Variants in MLLT3 observed in about 807,000 individuals in gnomAD.
MLLT3 encodes MLLT3 super elongation complex subunit.
Under a neutral mutation model 53.2 loss-of-function variants are expected in MLLT3, and 4 were observed. The ratio of observed to expected loss-of-function variants is 0.08; its 90% CI spans 0.04 to 0.17. The LOEUF (loss-of-function observed/expected upper bound fraction) is 0.17, where lower values mean the gene tolerates loss of function less well. Among genes scored for constraint, MLLT3 ranks in the 10% least tolerant of loss-of-function variants. MLLT3 has a pLI of 1.00. For missense variants in MLLT3, 569 were observed against 684.0 expected (o/e 0.83, Z 1.87); for synonymous variants, 283 against 230.6 (o/e 1.23, Z -2.06).
At chr9:20,503,770 C>T (rs1336746118) in intron 2 of MLLT3, among the ~76,000 whole-genome samples, 2 of 152,120 alleles carry the variant, frequency 1.3e-5, no homozygotes, top group Admixed American at 1.3e-4. Context: ...AGACAACCTG[C>T]AGCCTGGAAA....
At chr9:20,388,520 G>A (rs1273899208) in intron 5 of MLLT3, among the ~76,000 whole-genome samples, 6 of 152,106 alleles carry the variant, frequency 3.9e-5, no homozygotes, top group Admixed American at 1.3e-4. Context: ...CCTGGGAGAC[G>A]GAGCTTGCAG....
chr9:20,426,738 A>G (rs1305757453), intron 4 of MLLT3, among the ~76,000 whole-genome samples: 2 of 152,158 alleles, frequency 1.3e-5, no homozygotes, highest in Admixed American at 1.3e-4. Context: ...TGATACAACT[A>G]GATATTAGAT....
intron 2 of MLLT3, among the ~76,000 whole-genome samples, chr9:20,612,585 G>A (rs1442192834): frequency 1.3e-5 from 2 of 151,668 alleles, no homozygotes; most frequent in Non-Finnish European, 2.9e-5. Flanking sequence ...AAATAACAAA[G>A]GAAGAACATC....
At chr9:20,433,497 T>C (rs1823329213) in intron 4 of MLLT3, among the ~76,000 whole-genome samples, 1 of 152,056 alleles carries the variant, frequency 6.6e-6, no homozygotes, top group Non-Finnish European at 1.5e-5. Flanking sequence ...AACTGTACAG[T>C]GGAGAAGCCT....
At chr9:20,618,945 T>C (rs1450806439) in intron 2 of MLLT3, among the ~76,000 whole-genome samples, 1 of 152,220 alleles carries the variant, frequency 6.6e-6, no homozygotes, top group Non-Finnish European at 1.5e-5. Context: ...TAATAAATGT[T>C]GCTTTTTAAA....
chr9:20,386,060 C>T (rs1822028696), intron 5 of MLLT3, among the ~76,000 whole-genome samples: 2 of 152,128 alleles, frequency 1.3e-5, no homozygotes, highest in Admixed American at 6.5e-5. Context: ...TTCCCATTTC[C>T]AATGGGCACT....
chr9:20,359,180 ACCAAGG>A (rs1215097876), intron 8 of MLLT3, among the ~76,000 whole-genome samples: 5 of 144,602 alleles, frequency 3.5e-5, no homozygotes, highest in African/African-American at 1.3e-4. Flanking sequence ...AAAAAATCTC[ACCAAGG>A]TTCAAATTCT....
At chr9:20,543,028 T>C (rs1022601717) in intron 2 of MLLT3, among the ~76,000 whole-genome samples, 1 of 152,236 alleles carries the variant, frequency 6.6e-6, no homozygotes. Context: ...TGCAGTTTCC[T>C]CACTCCTCTC....
intron 4 of MLLT3, among the ~76,000 whole-genome samples, chr9:20,415,859 T>C (rs1200134042): frequency 2.0e-5 from 3 of 151,978 alleles, no homozygotes; most frequent in East Asian, 3.8e-4. Context: ...TTAGTAGAAA[T>C]ATATTTTTTG....
chr9:20,359,014 A>G (rs1437855796), intron 8 of MLLT3, among the ~76,000 whole-genome samples: 1 of 151,848 alleles, frequency 6.6e-6, no homozygotes, highest in Non-Finnish European at 1.5e-5. Flanking sequence ...GCGTGGTGGC[A>G]TGCACCTGTA....
intron 8 of MLLT3, among the ~76,000 whole-genome samples, chr9:20,359,245 A>G (rs899860137): frequency 1.3e-5 from 2 of 151,810 alleles, no homozygotes; most frequent in African/African-American, 2.4e-5. Context: ...AAGGATCCCA[A>G]ATTTTCTAGT....
At chr9:20,583,375 G>A (rs1183709604) in intron 2 of MLLT3, among the ~76,000 whole-genome samples, 1 of 152,094 alleles carries the variant, frequency 6.6e-6, no homozygotes, top group Non-Finnish European at 1.5e-5. Flanking sequence ...AGCAGTCGGT[G>A]GATCTACCAT....
chr9:20,456,899 C>T, intron 2 of MLLT3, 113 bp from the exon 3 acceptor site: 5 of 720,462 alleles, frequency 6.9e-6, no homozygotes, highest in Non-Finnish European at 9.0e-6. Context: ...ATTTTCATAG[C>T]CCCTTGCCAA....
intron 4 of MLLT3, among the ~76,000 whole-genome samples, chr9:20,416,806 A>G (rs972058083): frequency 6.6e-6 from 1 of 152,104 alleles, no homozygotes; most frequent in Non-Finnish European, 1.5e-5. Context: ...ATTCCATAAC[A>G]ATGTCTTAAA....
At chr9:20,478,328 G>A (rs1217523179) in intron 2 of MLLT3, among the ~76,000 whole-genome samples, 2 of 152,190 alleles carry the variant, frequency 1.3e-5, no homozygotes, top group African/African-American at 4.8e-5. Context: ...GAGAAGAGAT[G>A]TAAGTTCTGT....
intron 2 of MLLT3, among the ~76,000 whole-genome samples, chr9:20,525,217 C>T (rs1818170961): frequency 6.6e-6 from 1 of 151,876 alleles, no homozygotes; most frequent in Admixed American, 6.6e-5. Context: ...AAATTCAAGG[C>T]CGGGCACAGT....
At chr9:20,488,154 T>C (rs954043907) in intron 2 of MLLT3, among the ~76,000 whole-genome samples, 4 of 151,908 alleles carry the variant, frequency 2.6e-5, no homozygotes, top group Non-Finnish European at 5.9e-5. Context: ...ATTAATTAAG[T>C]CACATTAATA....
intron 2 of MLLT3, among the ~76,000 whole-genome samples, chr9:20,522,964 A>AAAATAAAT (rs543608557): frequency 2.6e-5 from 4 of 151,850 alleles, no homozygotes; most frequent in Non-Finnish European, 4.4e-5. Context: ...CCTGTCTTAA[A>AAAATAAAT]AAATAAATAA....
At chr9:20,353,777 C>A (rs1563933242) in intron 9 of MLLT3, among the ~76,000 whole-genome samples, 181 bp from the exon 10 acceptor site, 1 of 152,198 alleles carries the variant, frequency 6.6e-6, no homozygotes, top group Non-Finnish European at 1.5e-5. Flanking sequence ...TGTCTTGGAC[C>A]AGTCATTACC....
Sources: gnomAD v4.1 joint callset for allele counts (sites outside exome capture counted in the v4.1 genomes callset) on GRCh38, gnomAD v4.1.1 for gene constraint, MANE v1.5 for transcripts, NCBI Gene and HGNC (gene_info 2026-07-23, HGNC 2026-07-21) for gene names.